Variants in BAZ1A observed in about 807,000 individuals in gnomAD.
BAZ1A encodes the protein bromodomain adjacent to zinc finger domain protein 1A.
A neutral mutation model predicts 185.2 loss-of-function variants in BAZ1A; 50 were observed. That is an observed-to-expected ratio of 0.27 (90% CI 0.22 to 0.34). The LOEUF is 0.34. BAZ1A is among the 10% of genes least tolerant of loss of function. The pLI is 1.00. For synonymous variants in BAZ1A, 571 were observed against 615.6 expected, an observed-to-expected ratio of 0.93 and a Z score of 1.07; for missense variants, 1,356 against 1,839.9, an observed-to-expected ratio of 0.74 and a Z score of 4.81.
intron 25 of BAZ1A, among the ~76,000 whole-genome samples, 193 bp from the exon 26 acceptor site, chr14:34,755,107 A>G (rs1360243938): frequency 6.6e-6 from 1 of 152,060 alleles, no homozygotes; most frequent in East Asian, 1.9e-4. Flanking sequence ...ATCTATATAG[A>G]TATCGCGCTC....
At chr14:34,773,895 T>G (rs1241565353) in intron 19 of BAZ1A, among the ~76,000 whole-genome samples, 169 bp from the exon 20 acceptor site, 1 of 152,252 alleles carries the variant, frequency 6.6e-6, no homozygotes, top group Non-Finnish European at 1.5e-5. Flanking sequence ...GGAATTCATA[T>G]TCTTCATAGA....
intron 3 of BAZ1A, among the ~76,000 whole-genome samples, chr14:34,836,439 A>G (rs1194367972): frequency 1.3e-5 from 2 of 150,584 alleles, no homozygotes; most frequent in Non-Finnish European, 2.9e-5. Context: ...ACTGAGACAC[A>G]TGCAGAATTT....
intron 4 of BAZ1A, among the ~76,000 whole-genome samples, chr14:34,814,180 A>G (rs971531321): frequency 3.3e-5 from 5 of 152,088 alleles, no homozygotes; most frequent in African/African-American, 1.2e-4. Context: ...GCAACTAACC[A>G]CTACCATTTT....
intron 26 of BAZ1A, among the ~76,000 whole-genome samples, chr14:34,753,980 C>T (rs539117535): frequency 1.3e-4 from 19 of 151,344 alleles, no homozygotes; most frequent in South Asian, 6.3e-4. Flanking sequence ...TAGCCACTTG[C>T]GGTGGTTCAA....
chr14:34,858,249 T>TC (rs2042712916), intron 3 of BAZ1A, among the ~76,000 whole-genome samples: 1 of 152,188 alleles, frequency 6.6e-6, no homozygotes, highest in Non-Finnish European at 1.5e-5. Context: ...TGTGTATTTT[T>TC]CCACAATTAA....
chr14:34,869,590 G>A (rs887553743), intron 2 of BAZ1A, among the ~76,000 whole-genome samples: 1 of 152,144 alleles, frequency 6.6e-6, no homozygotes, highest in Middle Eastern at 3.2e-3. Flanking sequence ...TTCTTAGGAT[G>A]GTTTTCATTG....
chr14:34,774,382 T>A lies in BAZ1A; in HGVS notation c.2942A>T (p.Asp981Val), dbSNP rs1402788639. ...TCTATCTTCAATATCTAAAAGAAAATCTCTCAGCCTTAGTTCAAGTTGCTT... is the reference window on the plus strand; with the variant it reads ...TCTATCTTCAATATCTAAAAGAAAAACTCTCAGCCTTAGTTCAAGTTGCTT... ...AEKQLELRLR[D>V]FLLDIEDRIY... Residue 981 changes from aspartate (D) to valine (V), a missense_variant, in exon 19 of 27, where the codon GAT (aspartate) becomes GTT (valine). Asp to Val is a radical substitution (Grantham distance 152). This residue lies in a region of BAZ1A where 434 missense variants were observed against 561.7 expected (regional missense o/e 0.77). Transcript: ENST00000360310. 2 of 1,613,556 alleles carry A rather than the reference T, an allele frequency of 1.2e-6. No homozygotes were observed. The highest frequency in any genetic ancestry group is 8.5e-7 in the Non-Finnish European group (1 of 1,179,812).
At chr14:34,758,252 G>A (rs1333038402) in intron 25 of BAZ1A, among the ~76,000 whole-genome samples, 1 of 151,824 alleles carries the variant, frequency 6.6e-6, no homozygotes, top group Non-Finnish European at 1.5e-5. Context: ...CTGCACTCCG[G>A]CCTGGGCGAC....
chr14:34,825,250 T>C (rs1436617199), intron 4 of BAZ1A, among the ~76,000 whole-genome samples: 3 of 152,002 alleles, frequency 2.0e-5, no homozygotes, highest in African/African-American at 7.2e-5. Flanking sequence ...GGTCAGGAGT[T>C]CGAGACCAGC....
At chr14:34,786,368 A>G in intron 12 of BAZ1A, 147 bp from the exon 13 acceptor site, 1 of 640,332 alleles carries the variant, frequency 1.6e-6, no homozygotes, top group Non-Finnish European at 2.6e-6. Flanking sequence ...CAATATTCAC[A>G]TTCTGCTTCA....
chr14:34,787,976 T>TA (rs1438399496), intron 12 of BAZ1A, among the ~76,000 whole-genome samples: 1 of 152,108 alleles, frequency 6.6e-6, no homozygotes, highest in Non-Finnish European at 1.5e-5. Context: ...TGCTAGTGCC[T>TA]AGTAATGTGC....
chr14:34,865,061 C>T (rs1222568659), intron 2 of BAZ1A, among the ~76,000 whole-genome samples: 3 of 152,144 alleles, frequency 2.0e-5, no homozygotes, highest in Admixed American at 2.0e-4. Flanking sequence ...CAGGCGTGAG[C>T]CACCACGCCC....
intron 25 of BAZ1A, among the ~76,000 whole-genome samples, chr14:34,757,605 C>T (rs151102833): frequency 0.093 from 13,965 of 150,116 alleles, 941 homozygotes; most frequent in Admixed American, 0.21. Context: ...GTGGAGGTTG[C>T]GGTGAGCCAA....
Position 34,869,618 on chromosome 14 carries a change from T to C in BAZ1A, c.113+4874A>G, listed in dbSNP as rs149684625. Among the ~76,000 whole-genome samples the C allele has an allele frequency of 6.1e-3, 936 of 152,296 alleles. 16 individuals are homozygous for C. The highest frequency in any genetic ancestry group is 0.022 in the African/African-American group (903 of 41,552). ...TTTCATTGTGTTTTGATGGATAACA[T>C]ATATTAGACTATCAGTGAACACACA... On this transcript the variant is annotated intron_variant, in intron 2 of 26. Transcript: ENST00000360310.
intron 4 of BAZ1A, among the ~76,000 whole-genome samples, chr14:34,824,398 A>AAG (rs1299985226): frequency 1.2e-4 from 12 of 104,174 alleles, no homozygotes; most frequent in African/African-American, 4.1e-4. Context: ...AAAAAAAAAA[A>AAG]GCAGCAACTC....
intron 25 of BAZ1A, among the ~76,000 whole-genome samples, chr14:34,755,787 C>G (rs1479736691): frequency 6.6e-6 from 1 of 151,706 alleles, no homozygotes; most frequent in Non-Finnish European, 1.5e-5. Flanking sequence ...TTTGATTAGG[C>G]CATCACTGTT....
intron 12 of BAZ1A, among the ~76,000 whole-genome samples, 176 bp downstream of exon 12, chr14:34,792,599 A>G (rs1205673625): frequency 3.3e-5 from 5 of 152,228 alleles, no homozygotes. Context: ...AGGTTATATC[A>G]AAACAAAATT....
chr14:34,844,319 AAAGAGGTGAAAG>A (rs1224307142), intron 3 of BAZ1A, among the ~76,000 whole-genome samples: 2 of 152,188 alleles, frequency 1.3e-5, no homozygotes, highest in African/African-American at 4.8e-5. Flanking sequence ...AAATTTAACC[AAAGAGGTGAAAG>A]ACTTGTACAC....
chr14:34,859,689 C>T (rs1393478462), intron 3 of BAZ1A, among the ~76,000 whole-genome samples: 2 of 152,142 alleles, frequency 1.3e-5, no homozygotes, highest in African/African-American at 4.8e-5. Context: ...TCATATGCCA[C>T]CTCTTAGTAT....
Sources: allele counts gnomAD v4.1 joint callset (sites outside exome capture counted in the v4.1 genomes callset), GRCh38; gene constraint gnomAD v4.1.1; regional missense constraint gnomAD v4.1.1; transcripts MANE v1.5; gene names NCBI Gene and HGNC (gene_info 2026-07-23, HGNC 2026-07-21).